SKAP2: variants seen among roughly 807,000 people sequenced by gnomAD.
SKAP2 encodes the protein src kinase-associated phosphoprotein 2.
SKAP2 carries 28 observed loss-of-function variants against 54.9 expected under a neutral mutation model. That is an observed-to-expected ratio of 0.51 (90% CI 0.38 to 0.70). The LOEUF is 0.70. SKAP2 is among the 30% of genes least tolerant of loss of function. The pLI, the probability that SKAP2 is intolerant of heterozygous loss-of-function variation, is 0.00. For synonymous variants in SKAP2, 137 were observed against 134.3 expected, an observed-to-expected ratio of 1.02 and a Z score of -0.14; for missense variants, 356 against 424.1, an observed-to-expected ratio of 0.84 and a Z score of 1.41.
chr7:26,798,052 A>C (rs1477487003), intron 4 of SKAP2, among the ~76,000 whole-genome samples: 4 of 151,956 alleles, frequency 2.6e-5, no homozygotes, highest in African/African-American at 7.3e-5. Context: ...AGAACTTCCA[A>C]CTCCTAAAGA....
intron 9 of SKAP2, among the ~76,000 whole-genome samples, chr7:26,723,114 G>T (rs1026627468): frequency 9.8e-5 from 15 of 152,290 alleles, no homozygotes; most frequent in Middle Eastern, 3.4e-3. Context: ...TTTCACAGAA[G>T]TGAAAGCAAT....
chr7:26,700,831 A>C (rs116027699), intron 9 of SKAP2, among the ~76,000 whole-genome samples: 169 of 152,310 alleles, frequency 1.1e-3, no homozygotes, highest in African/African-American at 4.0e-3. Flanking sequence ...CAGACCTCTA[A>C]AGTCTTTCTC....
At chr7:26,664,484 C>A (rs757661865), downstream of SKAP2, among the ~76,000 whole-genome samples, 1 of 152,020 alleles carries the variant, frequency 6.6e-6, no homozygotes, top group Admixed American at 6.6e-5. Flanking sequence ...TTCTCCTCCA[C>A]GAAAGCAGCT....
At chr7:26,831,522 A>T (rs752770975) in intron 4 of SKAP2, among the ~76,000 whole-genome samples, 10 of 152,216 alleles carry the variant, frequency 6.6e-5, no homozygotes, top group Non-Finnish European at 1.5e-5. Context: ...AGGAAAATTT[A>T]TTTAAGATAA....
chr7:26,730,324 A>T (rs1471733882), intron 6 of SKAP2, among the ~76,000 whole-genome samples: 1 of 152,218 alleles, frequency 6.6e-6, no homozygotes. Context: ...TCAAATAGGA[A>T]ATAAAGCTAT....
intron 11 of SKAP2, among the ~76,000 whole-genome samples, chr7:26,677,900 A>T (rs778123210): frequency 3.3e-5 from 5 of 152,238 alleles, no homozygotes; most frequent in Non-Finnish European, 7.3e-5. Flanking sequence ...ACTGTCAATA[A>T]CATGGTTCGC....
At chr7:26,776,602 T>C (rs1783315002) in intron 4 of SKAP2, among the ~76,000 whole-genome samples, 1 of 152,146 alleles carries the variant, frequency 6.6e-6, no homozygotes, top group South Asian at 2.1e-4. Flanking sequence ...ATCAACTCTA[T>C]CTCCGAAATA....
chr7:26,689,835 CTTG>C (rs1214697582), intron 10 of SKAP2, among the ~76,000 whole-genome samples: 1 of 152,174 alleles, frequency 6.6e-6, no homozygotes, highest in East Asian at 1.9e-4. Context: ...CCCTGGGCAA[CTTG>C]TTGTCCCCTG....
intron 9 of SKAP2, among the ~76,000 whole-genome samples, chr7:26,706,915 T>G: frequency 6.6e-6 from 1 of 152,242 alleles, no homozygotes; most frequent in East Asian, 1.9e-4. Context: ...GATCTCTATT[T>G]GATTTAATTT....
intron 4 of SKAP2, among the ~76,000 whole-genome samples, chr7:26,831,250 C>T (rs1196732555): frequency 6.6e-6 from 1 of 152,120 alleles, no homozygotes; most frequent in African/African-American, 2.4e-5. Context: ...TTTATTCTTA[C>T]ATGCTCATTA....
At chr7:26,842,248 CAAAA>C (rs927869494) in intron 4 of SKAP2, among the ~76,000 whole-genome samples, 1 of 151,026 alleles carries the variant, frequency 6.6e-6, no homozygotes, top group African/African-American at 2.4e-5. Flanking sequence ...GCACTATTAA[CAAAA>C]AAACTTGATG....
intron 10 of SKAP2, among the ~76,000 whole-genome samples, chr7:26,687,058 A>G (rs1229112213): frequency 6.6e-6 from 1 of 151,882 alleles, no homozygotes; most frequent in Non-Finnish European, 1.5e-5. Flanking sequence ...AATAGTTTTT[A>G]TTCAATAGAT....
chr7:26,803,495 G>C (rs1783957177), intron 4 of SKAP2, among the ~76,000 whole-genome samples: 1 of 152,162 alleles, frequency 6.6e-6, no homozygotes. Flanking sequence ...GTGAATGACA[G>C]ACAGCCCTTG....
rs773420570 is a variant in SKAP2, at chr7:26,739,947, T to C, written c.325A>G (p.Ile109Val). The C allele has an allele frequency of 1.8e-5, 29 of 1,610,762 alleles. No homozygotes were observed. The highest frequency in any genetic ancestry group is 2.7e-5 in the African/African-American group (2 of 74,578). ...APSDGAQFPP[I>V]AAQDLPFVLK... ...ACAAAAGGAAGGTCTTGTGCTGCAA[T>C]TGGAGGAAACTGGGCTCCTATGAGA... The change falls in exon 5 of 13, where the codon ATT becomes GTT. Residue 109 changes from isoleucine to valine, a missense_variant. Physicochemically the swap from Ile to Val is conservative, Grantham distance 29. Coordinates refer to ENST00000345317, the MANE Select transcript of SKAP2 (RefSeq NM_003930.5).
At chr7:26,675,463 G>T (rs542240592) in intron 11 of SKAP2, among the ~76,000 whole-genome samples, 2 of 151,912 alleles carry the variant, frequency 1.3e-5, no homozygotes, top group Non-Finnish European at 2.9e-5. Context: ...TAGATTTTAC[G>T]TACATTAGTT....
At chr7:26,703,603 T>C (rs1432710646) in intron 9 of SKAP2, among the ~76,000 whole-genome samples, 1 of 152,190 alleles carries the variant, frequency 6.6e-6, no homozygotes, top group East Asian at 1.9e-4. Context: ...AATTAAACTC[T>C]CTGAACCTCA....
chr7:26,729,160 TAGA>T (rs1787770788), intron 6 of SKAP2, among the ~76,000 whole-genome samples: 1 of 152,044 alleles, frequency 6.6e-6, no homozygotes, highest in Non-Finnish European at 1.5e-5. Context: ...CCAAACCCCC[TAGA>T]AATATGCTAT....
intron 9 of SKAP2, among the ~76,000 whole-genome samples, chr7:26,716,987 T>C (rs1236723503): frequency 6.6e-6 from 1 of 152,224 alleles, no homozygotes; most frequent in Admixed American, 6.5e-5. Flanking sequence ...GCTCCATCTT[T>C]CCTGTGTATT....
At chr7:26,773,360 C>T (rs1271970021) in intron 4 of SKAP2, among the ~76,000 whole-genome samples, 1 of 152,150 alleles carries the variant, frequency 6.6e-6, no homozygotes, top group Admixed American at 6.5e-5. Context: ...AGGATGAAGG[C>T]AAGATAATTT....
Sources: allele counts gnomAD v4.1 joint callset (sites outside exome capture counted in the v4.1 genomes callset), GRCh38; gene constraint gnomAD v4.1.1; transcripts MANE v1.5; gene names NCBI Gene and HGNC (gene_info 2026-07-23, HGNC 2026-07-21).